Variants in LRRC8B observed in about 807,000 individuals in gnomAD.
The protein encoded by LRRC8B is volume-regulated anion channel subunit LRRC8B.
Under a neutral mutation model 58.8 loss-of-function variants are expected in LRRC8B, and 23 were observed. The observed-to-expected ratio is 0.39, with a 90% CI of 0.28 to 0.55. The LOEUF is 0.55. LRRC8B is among the 20% of genes least tolerant of loss of function. LRRC8B has a pLI of 0.62. For synonymous variants in LRRC8B, 359 were observed against 374.1 expected (o/e 0.96, Z 0.47); for missense variants, 694 against 936.0 (o/e 0.74, Z 3.37).
chr1:89,581,368 C>T (rs1424132305), intron 4 of LRRC8B, among the ~76,000 whole-genome samples: 2 of 149,868 alleles, frequency 1.3e-5, no homozygotes, highest in Non-Finnish European at 1.5e-5. Context: ...AATGATAAGA[C>T]TTCAGACTCA....
intron 3 of LRRC8B, among the ~76,000 whole-genome samples, chr1:89,575,895 A>T (rs867120752): frequency 5.3e-5 from 8 of 152,162 alleles, no homozygotes; most frequent in Admixed American, 3.3e-4. Flanking sequence ...TTTTAAACAT[A>T]TTGTAAACTT....
intron 1 of LRRC8B, among the ~76,000 whole-genome samples, chr1:89,554,422 T>G (rs1473859076): frequency 1.3e-5 from 2 of 152,238 alleles, no homozygotes; most frequent in Non-Finnish European, 2.9e-5. Context: ...AAGATGTAAC[T>G]GTATAATTCA....
intron 1 of LRRC8B, among the ~76,000 whole-genome samples, chr1:89,556,101 G>A (rs1444728598): frequency 1.3e-5 from 2 of 152,164 alleles, no homozygotes; most frequent in African/African-American, 4.8e-5. Context: ...CTTCTGGAAA[G>A]GGGAGAGGGA....
chr1:89,538,669 A>C (rs1286053639), intron 1 of LRRC8B, among the ~76,000 whole-genome samples: 1 of 152,218 alleles, frequency 6.6e-6, no homozygotes, highest in Non-Finnish European at 1.5e-5. Context: ...TGTCATTTCC[A>C]AAACTAGATG....
chr1:89,539,289 C>T (rs778146646), intron 1 of LRRC8B, among the ~76,000 whole-genome samples: 18 of 152,132 alleles, frequency 1.2e-4, no homozygotes, highest in Admixed American at 2.0e-4. Context: ...TATTTCTAGC[C>T]TACTTTTTCA....
intron 1 of LRRC8B, among the ~76,000 whole-genome samples, chr1:89,532,958 C>T (rs114491529): frequency 0.021 from 3,216 of 152,248 alleles, 105 homozygotes; most frequent in African/African-American, 0.073. Flanking sequence ...TTGCTTTATT[C>T]TCCCTACAGT....
At position 89,584,293 on chromosome 1, in the gene LRRC8B, G is replaced by T; in HGVS notation, c.1643G>T (p.Ser548Ile). Residue 548 changes from serine (S) to isoleucine (I), a missense_variant, in exon 5 of 6, where the codon AGC becomes ATC. Ser to Ile is a moderately radical substitution (Grantham distance 142). Around this residue, in one of 5 missense-constraint regions of LRRC8B, gnomAD observed 162 missense variants for 198.5 expected, o/e 0.82. Coordinates refer to ENST00000330947, the MANE Select transcript of LRRC8B (RefSeq NM_001369817.2). ...KNLRTLYLKS[S>I]LSRIPQVVTD... ...CTAAGGACCCTGTACTTGAAGAGCA[G>T]CCTCTCCCGGATCCCACAAGTTGTT... is the stretch of plus-strand genomic sequence containing the variant. The T allele has an allele frequency of 6.2e-7, 1 of 1,614,034 alleles. No individual in the cohort carries two copies. Among genetic ancestry groups the T allele is most frequent in the Non-Finnish European group, 8.5e-7 (1 of 1,180,034 alleles).
rs150751112 is a variant in LRRC8B, at chr1:89,566,035, G to A, written c.-240-2212G>A. Reference sequence around the variant, plus strand: ...GTAGGTACTATTTTTGTTTAATCTAGTTAAGTTTCCAGAGATCTAAATACC... The same window carrying A: ...GTAGGTACTATTTTTGTTTAATCTAATTAAGTTTCCAGAGATCTAAATACC... On this transcript the variant is annotated intron_variant, in intron 1 of 5. Coordinates refer to ENST00000330947, the MANE Select transcript of LRRC8B (RefSeq NM_001369817.2). Among the ~76,000 whole-genome samples, 28 of 152,178 alleles carry A rather than the reference G, an allele frequency of 1.8e-4. No individual in the cohort carries two copies. The East Asian group carries it at 3.1e-3, about 17-fold the overall frequency.
At chr1:89,537,550 G>A (rs1320434578) in intron 1 of LRRC8B, among the ~76,000 whole-genome samples, 1 of 152,162 alleles carries the variant, frequency 6.6e-6, no homozygotes, top group East Asian at 1.9e-4. Flanking sequence ...TCGGCTCACT[G>A]TAACCTCTAC....
intron 1 of LRRC8B, among the ~76,000 whole-genome samples, chr1:89,526,238 G>A (rs866658760): frequency 6.6e-6 from 1 of 152,076 alleles, no homozygotes; most frequent in African/African-American, 2.4e-5. Flanking sequence ...GTTTTGAGAC[G>A]GAGTCTCACT....
rs1654329205 is a variant in LRRC8B, at chr1:89,582,800, C to T, written c.150C>T (p.Ser50=). ...VLAGALQLTQ[S]RVLCCLPCKV... ...CCGGAGCTCTCCAGCTGACGCAGAG[C>T]AGGGTTCTGTGCTGTCTTCCATGCA... The change falls in exon 5 of 6, where the codon AGC becomes AGT. Residue 50 remains serine, a synonymous_variant. Coordinates refer to ENST00000330947, the MANE Select transcript of LRRC8B (RefSeq NM_001369817.2). The T allele has an allele frequency of 1.9e-6, 3 of 1,614,090 alleles. No individual in the cohort carries two copies. In the African/African-American group the frequency reaches 4.0e-5, roughly 22 times the overall value.
Position 89,593,149 on chromosome 1 carries a change from C to A in LRRC8B, c.*106C>A. On this transcript the variant is annotated 3_prime_UTR_variant, in exon 6 of 6. Coordinates refer to ENST00000330947, the MANE Select transcript of LRRC8B (RefSeq NM_001369817.2). Reference sequence around the variant, plus strand: ...CAGCACTTTGGGAGGCCAAGATGGGCGGATTGCTTGAGGTCAGGAGTTCGA... The same window carrying A: ...CAGCACTTTGGGAGGCCAAGATGGGAGGATTGCTTGAGGTCAGGAGTTCGA... The A allele has an allele frequency of 8.7e-7, 1 of 1,154,282 alleles. No homozygotes were observed. Among genetic ancestry groups the A allele is most frequent in the Non-Finnish European group, 1.2e-6 (1 of 807,264 alleles). The allele number at this position is 1,154,282 out of a possible 1,614,324, so 71.5% of individuals were successfully genotyped here. A position where few individuals can be genotyped will look rare whatever the true frequency, so the allele number is the denominator to read the frequency against.
chr1:89,550,484 C>G (rs990978509), intron 1 of LRRC8B, among the ~76,000 whole-genome samples: 14 of 152,158 alleles, frequency 9.2e-5, no homozygotes, highest in Admixed American at 4.6e-4. Context: ...TTCATCTCAC[C>G]TTCTTCAGCT....
At position 89,594,350 on chromosome 1, in the gene LRRC8B, G is replaced by A. The variant is rs993325180; in HGVS notation, c.*1307G>A. The A allele has an allele frequency of 3.3e-5, 5 of 152,162 alleles. No individual in the cohort carries two copies. The highest frequency in any genetic ancestry group is 1.2e-4 in the African/African-American group (5 of 41,430). The allele number at this position is 152,162 out of a possible 1,614,324, so 9.4% of individuals were successfully genotyped here. On this transcript the variant is annotated 3_prime_UTR_variant, in exon 6 of 6. Coordinates refer to ENST00000330947, the MANE Select transcript of LRRC8B (RefSeq NM_001369817.2). ...CTAAAGTATTTGGGGGTTTCCTTGT[G>A]AGAGGGTGGCCGAATCATCTACCTC... is the stretch of plus-strand genomic sequence containing the variant.
At chr1:89,585,884 A>G (rs1002460652) in intron 5 of LRRC8B, among the ~76,000 whole-genome samples, 2 of 152,238 alleles carry the variant, frequency 1.3e-5, no homozygotes. Context: ...GTCATGGTAA[A>G]TATAGCTATG....
chr1:89,536,923 C>G (rs999251374), intron 1 of LRRC8B, among the ~76,000 whole-genome samples: 1 of 152,108 alleles, frequency 6.6e-6, no homozygotes, highest in Non-Finnish European at 1.5e-5. Flanking sequence ...TCCCAGAATA[C>G]ACACATACTC....
intron 1 of LRRC8B, among the ~76,000 whole-genome samples, chr1:89,547,469 G>T (rs996402177): frequency 2.6e-5 from 4 of 152,108 alleles, no homozygotes; most frequent in African/African-American, 9.7e-5. Flanking sequence ...CAACCTTTGT[G>T]TATGTTTAAA....
intron 1 of LRRC8B, among the ~76,000 whole-genome samples, chr1:89,562,181 A>ACACACACACACACC (rs1553157003): frequency 1.5e-4 from 23 of 149,926 alleles, no homozygotes; most frequent in African/African-American, 5.4e-4. Flanking sequence ...ACACACACAC[A>ACACACACACACACC]CCCTCTGCAT....
intron 1 of LRRC8B, among the ~76,000 whole-genome samples, chr1:89,551,587 C>T (rs1405293501): frequency 1.3e-5 from 2 of 151,954 alleles, no homozygotes; most frequent in Non-Finnish European, 2.9e-5. Context: ...CAGCCCATAC[C>T]ACAGCAAATG....
Sources: gnomAD v4.1 joint callset for allele counts (sites outside exome capture counted in the v4.1 genomes callset) on GRCh38, gnomAD v4.1.1 for gene constraint, gnomAD v4.1.1 regional missense constraint, MANE v1.5 for transcripts, NCBI Gene and HGNC (gene_info 2026-07-23, HGNC 2026-07-21) for gene names.